SND1: variants seen among roughly 807,000 people sequenced by gnomAD.
The protein encoded by SND1 is staphylococcal nuclease domain-containing protein 1.
Under a neutral mutation model 121.7 loss-of-function variants are expected in SND1, and 38 were observed. That is an observed-to-expected ratio of 0.31 (90% CI 0.24 to 0.41). The LOEUF is 0.41. Among genes scored for constraint, SND1 ranks in the 10% least tolerant of loss-of-function variants. The pLI is 1.00. For missense variants in SND1, 868 were observed against 1,184.6 expected, an observed-to-expected ratio of 0.73 and a Z score of 3.92; for synonymous variants, 401 against 447.4, an observed-to-expected ratio of 0.90 and a Z score of 1.31.
At chr7:128,046,504 C>T (rs559125318) in intron 16 of SND1, among the ~76,000 whole-genome samples, 1 of 151,860 alleles carries the variant, frequency 6.6e-6, no homozygotes, top group African/African-American at 2.4e-5. Flanking sequence ...GCTGGGATTA[C>T]AGGCATACAC....
At chr7:128,080,031 C>G (rs1793570457) in intron 17 of SND1, among the ~76,000 whole-genome samples, 1 of 152,188 alleles carries the variant, frequency 6.6e-6, no homozygotes, top group African/African-American at 2.4e-5. Context: ...ATTTGTAAAA[C>G]AGGGATAATA....
At chr7:127,933,553 A>G (rs1243882806) in intron 15 of SND1, among the ~76,000 whole-genome samples, 2 of 152,146 alleles carry the variant, frequency 1.3e-5, no homozygotes, top group Non-Finnish European at 2.9e-5. Context: ...AAGGTTATTT[A>G]CCCTCTTCAA....
intron 13 of SND1, among the ~76,000 whole-genome samples, chr7:127,893,534 A>T (rs1018107472): frequency 6.6e-6 from 1 of 152,102 alleles, no homozygotes; most frequent in Non-Finnish European, 1.5e-5. Context: ...TCAAGATCGG[A>T]TGTATATATT....
chr7:128,028,519 A>T, intron 16 of SND1: 35 of 642,934 alleles, frequency 5.4e-5, no homozygotes, highest in Admixed American at 7.5e-5. Context: ...TTTTGTTTTG[A>T]CTTTTTGTCT....
intron 6 of SND1, 50 bp from the exon 7 acceptor site, chr7:127,703,115 T>C: frequency 6.3e-7 from 1 of 1,598,948 alleles, no homozygotes. Context: ...CGAGAGTGCC[T>C]AGCACTCACA....
chr7:128,085,973 C>G lies in SND1; in HGVS notation c.2304+193C>G, dbSNP rs1282137291. On this transcript the variant is annotated intron_variant, in intron 20 of 23. Transcript: ENST00000354725. This position sits in a 1 kb window ranked among gnomAD's most constrained non-coding sequence, Gnocchi z 4.4. ...AACTGGGGTCTATGACCAGTGGCTG[C>G]AAGCACTGATAGGTCCCGCATCCAG... Among the ~76,000 whole-genome samples the G allele has an allele frequency of 6.6e-6, 1 of 152,202 alleles. No individual in the cohort carries two copies. The highest frequency in any genetic ancestry group is 1.5e-5 in the Non-Finnish European group (1 of 68,036).
chr7:127,812,050 G>A (rs1431037636), intron 11 of SND1, among the ~76,000 whole-genome samples: 2 of 152,148 alleles, frequency 1.3e-5, no homozygotes, highest in African/African-American at 4.8e-5. Context: ...AGATCTACAT[G>A]TTGTTCTGGT....
Position 128,005,309 on chromosome 7 carries a change from G to A in SND1, c.1779+14253G>A, listed in dbSNP as rs190802301. Among the ~76,000 whole-genome samples, 191 of 152,300 alleles carry A rather than the reference G, an allele frequency of 1.3e-3. 5 individuals are homozygous for A. The South Asian group carries it at 0.037, about 30-fold the overall frequency. On this transcript the variant is annotated intron_variant, in intron 16 of 23. Coordinates refer to ENST00000354725, the MANE Select transcript of SND1 (RefSeq NM_014390.4). ...CCAGGTGTGAGAAAGGGCTCTTCAT[G>A]CCACACTCACATGTGCACCCACGCA...
At chr7:127,664,077 G>A (rs1795367215) in intron 1 of SND1, among the ~76,000 whole-genome samples, 1 of 152,186 alleles carries the variant, frequency 6.6e-6, no homozygotes, top group Non-Finnish European at 1.5e-5. Flanking sequence ...TCAGGCTGGA[G>A]TGCAGTGGTG....
intron 8 of SND1, 134 bp downstream of exon 8, chr7:127,705,079 A>C: frequency 1.4e-6 from 1 of 695,962 alleles, no homozygotes; most frequent in South Asian, 1.7e-5. Context: ...GCAGTTCCTT[A>C]TAGAGGAGTG....
intron 10 of SND1, among the ~76,000 whole-genome samples, chr7:127,736,810 G>A (rs1207942963): frequency 6.6e-6 from 1 of 152,170 alleles, no homozygotes; most frequent in African/African-American, 2.4e-5. Flanking sequence ...AGAGTGGATA[G>A]GTACATCTTC....
chr7:127,939,417 A>ACT (rs57678301), intron 15 of SND1, among the ~76,000 whole-genome samples: 2,477 of 152,300 alleles, frequency 0.016, 87 homozygotes, highest in African/African-American at 0.056. Context: ...CCCATTCCAG[A>ACT]GTAATAAATA....
chr7:127,799,926 C>T (rs771389271), intron 10 of SND1, among the ~76,000 whole-genome samples: 1 of 152,176 alleles, frequency 6.6e-6, no homozygotes, highest in African/African-American at 2.4e-5. Flanking sequence ...ACCTTCTATT[C>T]GGCCAGGTGG....
At chr7:127,856,082 A>G (rs1295304058) in intron 12 of SND1, among the ~76,000 whole-genome samples, 1 of 152,184 alleles carries the variant, frequency 6.6e-6, no homozygotes, top group Non-Finnish European at 1.5e-5. Context: ...TTGAATGTAT[A>G]CTGTTTCCTT....
chr7:128,028,201 AATAAG>A (rs1203635362), intron 16 of SND1: 1 of 152,160 alleles, frequency 6.6e-6, no homozygotes, highest in Non-Finnish European at 1.5e-5. Flanking sequence ...ATTTTTTTTT[AATAAG>A]ATAATTCTGC....
chr7:127,780,571 G>T (rs1433464467), intron 10 of SND1, among the ~76,000 whole-genome samples: 2 of 132,882 alleles, frequency 1.5e-5, no homozygotes, highest in East Asian at 3.9e-4. Flanking sequence ...CTAAGATTTG[G>T]ACTTAGAATC....
At chr7:128,025,746 G>T (rs1563092404) in intron 16 of SND1, among the ~76,000 whole-genome samples, 1 of 152,160 alleles carries the variant, frequency 6.6e-6, no homozygotes, top group African/African-American at 2.4e-5. Context: ...GCCTACTGGG[G>T]TAAGGAACTC....
chr7:128,064,095 C>T (rs1168257095), intron 16 of SND1, among the ~76,000 whole-genome samples: 3 of 152,158 alleles, frequency 2.0e-5, no homozygotes, highest in African/African-American at 7.2e-5. Flanking sequence ...TCGCCAGACT[C>T]TCCTTAAGTG....
intron 15 of SND1, among the ~76,000 whole-genome samples, chr7:127,937,562 G>A (rs148134797): frequency 6.6e-6 from 1 of 152,170 alleles, no homozygotes; most frequent in East Asian, 1.9e-4. Flanking sequence ...AGTTCTAAGT[G>A]TCTAGGATTT....
Sources: gnomAD v4.1 joint callset for allele counts (sites outside exome capture counted in the v4.1 genomes callset) on GRCh38, gnomAD v4.1.1 for gene constraint, Gnocchi (gnomAD v3.1) non-coding constraint, MANE v1.5 for transcripts, NCBI Gene and HGNC (gene_info 2026-07-23, HGNC 2026-07-21) for gene names.